MMP26: variants seen among roughly 807,000 people sequenced by gnomAD.
The protein encoded by MMP26 is matrix metalloproteinase-26.
MMP26 carries 33 observed loss-of-function variants against 31.0 expected under a neutral mutation model. That is an observed-to-expected ratio of 1.06 (90% CI 0.81 to 1.42). The LOEUF (loss-of-function observed/expected upper bound fraction) is 1.42, where lower values mean the gene tolerates loss of function less well. Among genes scored for constraint, MMP26 ranks in the 40% most tolerant of loss-of-function variants. The pLI is 0.00. For missense variants in MMP26, 347 were observed against 316.1 expected, an observed-to-expected ratio of 1.10 and a Z score of -0.74; for synonymous variants, 122 against 114.9, an observed-to-expected ratio of 1.06 and a Z score of -0.40.
At chr11:4,897,926 A>T (rs1229250864) in intron 2 of MMP26, among the ~76,000 whole-genome samples, 1 of 148,448 alleles carries the variant, frequency 6.7e-6, no homozygotes, top group Non-Finnish European at 1.5e-5. Context: ...TAGAAATAAT[A>T]AATAAAAATT....
chr11:4,836,006 T>C (rs1176614211), intron 2 of MMP26, among the ~76,000 whole-genome samples: 1 of 152,028 alleles, frequency 6.6e-6, no homozygotes. Context: ...TATATTTAAC[T>C]TAAGCAAATA....
chr11:4,858,331 C>G (rs540299756), intron 2 of MMP26, among the ~76,000 whole-genome samples: 1 of 152,130 alleles, frequency 6.6e-6, no homozygotes, highest in East Asian at 1.9e-4. Context: ...AAAACCCCAT[C>G]GTCTCAGCCC....
chr11:4,775,496 A>G lies in MMP26; in HGVS notation c.-145+8155A>G, dbSNP rs183715232. The stretch of plus-strand genomic sequence containing the variant: ...TGATTTGACTGCTCAATGATATATC[A>G]TATGTAACTGCAACCCAGCTGATGA... On this transcript the variant is annotated intron_variant, in intron 2 of 7. Coordinates refer to ENST00000380390, the MANE Select transcript of MMP26 (RefSeq NM_021801.5). 2.0e-5 allele frequency among the ~76,000 whole-genome samples: 3 copies of G among 152,224 alleles called. No individual in the cohort carries two copies. The East Asian group carries it at 5.8e-4, about 29-fold the overall frequency.
At chr11:4,710,092 T>C in intron 1 of MMP26, 2 of 456,840 alleles carry the variant, frequency 4.4e-6, no homozygotes, top group Non-Finnish European at 8.8e-6. Context: ...CGTAGTCATG[T>C]GCTCCACCAT....
intron 1 of MMP26, among the ~76,000 whole-genome samples, chr11:4,730,409 A>AGC: frequency 6.6e-6 from 1 of 151,578 alleles, no homozygotes; most frequent in Non-Finnish European, 1.5e-5. Flanking sequence ...TGGGAAAGAG[A>AGC]GAGAGAGAGA....
intron 1 of MMP26, among the ~76,000 whole-genome samples, chr11:4,761,954 A>AT (rs1276548636): frequency 6.6e-6 from 1 of 152,128 alleles, no homozygotes; most frequent in Admixed American, 6.5e-5. Flanking sequence ...AAGAAGTTTT[A>AT]GCAGGTTGGG....
chr11:4,912,026 G>T (rs749253972), intron 2 of MMP26, among the ~76,000 whole-genome samples: 14 of 151,986 alleles, frequency 9.2e-5, no homozygotes, highest in Non-Finnish European at 1.5e-4. Context: ...TTCCCCTCAG[G>T]GTGGTTTCTG....
At chr11:4,894,307 A>G (rs968475440) in intron 2 of MMP26, among the ~76,000 whole-genome samples, 5 of 152,200 alleles carry the variant, frequency 3.3e-5, no homozygotes, top group Non-Finnish European at 4.4e-5. Flanking sequence ...TTCTCAAAGA[A>G]CAGATATTGT....
chr11:4,724,197 C>T (rs539487713), intron 1 of MMP26: 33 of 502,404 alleles, frequency 6.6e-5, no homozygotes, highest in East Asian at 4.4e-4. Flanking sequence ...TGGAGGCAGG[C>T]GATGGGCCTG....
chr11:4,899,665 A>G (rs1850772872), intron 2 of MMP26, among the ~76,000 whole-genome samples: 1 of 152,142 alleles, frequency 6.6e-6, no homozygotes, highest in Admixed American at 6.6e-5. Context: ...GTTTATTAGA[A>G]GCCCTATCTT....
At chr11:4,829,465 G>A (rs1849617850) in intron 2 of MMP26, among the ~76,000 whole-genome samples, 2 of 152,082 alleles carry the variant, frequency 1.3e-5, no homozygotes, top group Admixed American at 6.6e-5. Context: ...TTCTTTATCT[G>A]AAAATCATAT....
rs558456909 is a variant in MMP26, at chr11:4,835,272, A to G, written c.-145+67931A>G. 2.6e-3 allele frequency among the ~76,000 whole-genome samples: 390 copies of G among 149,512 alleles called. 2 individuals carry two copies. The South Asian group carries it at 0.027, about 10-fold the overall frequency. Reference sequence around the variant, plus strand: ...TAACATTCTGGTTGCTATCCTGGAGAGCTTTGTTTATCAAGTAGACCAACC... The same window carrying G: ...TAACATTCTGGTTGCTATCCTGGAGGGCTTTGTTTATCAAGTAGACCAACC... On this transcript the variant is annotated intron_variant, in intron 2 of 7. Transcript: ENST00000380390.
At chr11:4,737,800 A>G (rs1380225612) in intron 1 of MMP26, among the ~76,000 whole-genome samples, 1 of 152,230 alleles carries the variant, frequency 6.6e-6, no homozygotes, top group Non-Finnish European at 1.5e-5. Flanking sequence ...TAATTGGGGA[A>G]TTCAAAGTGG....
At chr11:4,898,131 T>C (rs1017460330) in intron 2 of MMP26, among the ~76,000 whole-genome samples, 3 of 151,754 alleles carry the variant, frequency 2.0e-5, no homozygotes, top group Admixed American at 6.6e-5. Flanking sequence ...TTCTTAGGCT[T>C]TGTCTCTCTG....
intron 1 of MMP26, among the ~76,000 whole-genome samples, chr11:4,766,286 T>C (rs1041268830): frequency 6.6e-6 from 1 of 152,284 alleles, no homozygotes; most frequent in East Asian, 1.9e-4. Flanking sequence ...CTCCAGGAGA[T>C]AGAATTATGC....
chr11:4,854,252 A>G (rs555522949), intron 2 of MMP26, among the ~76,000 whole-genome samples: 19 of 152,304 alleles, frequency 1.2e-4, no homozygotes, highest in Admixed American at 1.0e-3. Context: ...TGTGAGCTGA[A>G]ACAGGGCGGG....
intron 2 of MMP26, among the ~76,000 whole-genome samples, chr11:4,861,491 G>GTA (rs1012630922): frequency 7.9e-5 from 12 of 150,984 alleles, no homozygotes; most frequent in East Asian, 3.9e-4. Context: ...ATGTATATAT[G>GTA]TATATATATA....
intron 1 of MMP26, chr11:4,723,949 G>T (rs2133277604): frequency 3.8e-6 from 3 of 787,982 alleles, no homozygotes; most frequent in South Asian, 2.8e-5. Context: ...CAGGTTAAGG[G>T]GACTCAGCAG....
intron 2 of MMP26, among the ~76,000 whole-genome samples, chr11:4,812,200 A>G (rs749159722): frequency 3.3e-5 from 5 of 152,216 alleles, no homozygotes; most frequent in Non-Finnish European, 7.3e-5. Context: ...AATTCAGCAT[A>G]TCTATGTAGA....
Sources: allele counts gnomAD v4.1 joint callset (sites outside exome capture counted in the v4.1 genomes callset), GRCh38; gene constraint gnomAD v4.1.1; transcripts MANE v1.5; gene names NCBI Gene and HGNC (gene_info 2026-07-23, HGNC 2026-07-21).